RGS6: variants seen among roughly 807,000 people sequenced by gnomAD.
The protein encoded by RGS6 is regulator of G protein signaling 6.
RGS6 carries 30 observed loss-of-function variants against 78.5 expected under a neutral mutation model. The observed-to-expected ratio is 0.38, with a 90% confidence interval of 0.29 to 0.52. The LOEUF (loss-of-function observed/expected upper bound fraction) is 0.52, where lower values mean the gene tolerates loss of function less well. Ranked by LOEUF, RGS6 falls within the 20% of genes least tolerant of loss-of-function variation. RGS6 has a pLI of 0.85. For synonymous variants in RGS6, 206 were observed against 206.0 expected, an observed-to-expected ratio of 1.00 and a Z score of 0.00; for missense variants, 495 against 609.7, an observed-to-expected ratio of 0.81 and a Z score of 1.98.
intron 2 of RGS6, among the ~76,000 whole-genome samples, chr14:72,106,615 C>T (rs2095638324): frequency 6.6e-6 from 1 of 152,186 alleles, no homozygotes; most frequent in African/African-American, 2.4e-5. Flanking sequence ...TACTCCCTTG[C>T]CTTTTTATAG....
chr14:72,255,167 G>A (rs2056801964), intron 2 of RGS6, among the ~76,000 whole-genome samples: 1 of 152,142 alleles, frequency 6.6e-6, no homozygotes, highest in Non-Finnish European at 1.5e-5. Flanking sequence ...GGCAGGGTAT[G>A]CAGGTTTAGG....
intron 2 of RGS6, among the ~76,000 whole-genome samples, chr14:71,972,582 C>A (rs1311575622): frequency 6.6e-6 from 1 of 152,044 alleles, no homozygotes; most frequent in Non-Finnish European, 1.5e-5. Context: ...AGGATGGGAT[C>A]TGAAATGGGG....
chr14:72,307,917 A>G (rs1020564617), intron 2 of RGS6, among the ~76,000 whole-genome samples: 5 of 152,198 alleles, frequency 3.3e-5, no homozygotes, highest in Non-Finnish European at 7.3e-5. Context: ...TAGTTTATAT[A>G]GCTCTTCCAC....
intron 2 of RGS6, among the ~76,000 whole-genome samples, chr14:72,127,949 C>T (rs935899954): frequency 1.3e-5 from 2 of 151,634 alleles, no homozygotes; most frequent in Non-Finnish European, 2.9e-5. Flanking sequence ...TTTTTTTTCC[C>T]TCAGCATAAT....
chr14:72,134,273 C>G (rs1213699004), intron 2 of RGS6, among the ~76,000 whole-genome samples: 1 of 152,190 alleles, frequency 6.6e-6, no homozygotes, highest in Non-Finnish European at 1.5e-5. Flanking sequence ...ACACACCCCA[C>G]ATTCACTGAG....
intron 14 of RGS6, among the ~76,000 whole-genome samples, chr14:72,510,826 C>T (rs940872032): frequency 2.6e-5 from 4 of 152,142 alleles, no homozygotes; most frequent in Non-Finnish European, 5.9e-5. Flanking sequence ...TGACTTCTGT[C>T]GACTCCAAAT....
intron 17 of RGS6, among the ~76,000 whole-genome samples, chr14:72,549,507 A>G (rs1306393635): frequency 6.6e-6 from 1 of 152,208 alleles, no homozygotes; most frequent in Non-Finnish European, 1.5e-5. Flanking sequence ...AAGGATCATA[A>G]AGTCATTTGC....
chr14:72,092,317 A>G (rs551261435), intron 2 of RGS6, among the ~76,000 whole-genome samples: 2 of 152,080 alleles, frequency 1.3e-5, no homozygotes, highest in African/African-American at 2.4e-5. Flanking sequence ...AAGGATGGCT[A>G]TGGGAAAAGT....
At chr14:72,331,492 G>T (rs1016167536) in intron 2 of RGS6, among the ~76,000 whole-genome samples, 4 of 152,200 alleles carry the variant, frequency 2.6e-5, no homozygotes, top group African/African-American at 9.6e-5. Flanking sequence ...TGCCCCGGGA[G>T]TGCAGCGCAG....
At chr14:72,181,803 CT>C (rs2097176397) in intron 2 of RGS6, among the ~76,000 whole-genome samples, 1 of 152,094 alleles carries the variant, frequency 6.6e-6, no homozygotes, top group African/African-American at 2.4e-5. Flanking sequence ...ATTTGAGTAC[CT>C]ACTATGTGCC....
chr14:72,196,030 G>A (rs1368137971), intron 2 of RGS6, among the ~76,000 whole-genome samples: 2 of 152,158 alleles, frequency 1.3e-5, no homozygotes, highest in Admixed American at 6.5e-5. Context: ...AGGATGAGTT[G>A]GAGGAAGGAG....
chr14:72,297,334 T>A (rs756179967), intron 2 of RGS6, among the ~76,000 whole-genome samples: 10 of 151,960 alleles, frequency 6.6e-5, no homozygotes, highest in Admixed American at 2.0e-4. Context: ...TTAATTGAGA[T>A]CTATTAAGTC....
intron 1 of RGS6, among the ~76,000 whole-genome samples, chr14:71,934,031 A>G (rs2088474969): frequency 1.3e-5 from 2 of 152,202 alleles, no homozygotes; most frequent in African/African-American, 4.8e-5. Context: ...CAAATAGGTA[A>G]TTACATAGAG....
intron 2 of RGS6, among the ~76,000 whole-genome samples, chr14:72,043,118 A>C (rs994308711): frequency 6.6e-6 from 1 of 151,918 alleles, no homozygotes; most frequent in Admixed American, 6.6e-5. Flanking sequence ...CCTTTCAATT[A>C]GTTTTTACTC....
intron 3 of RGS6, among the ~76,000 whole-genome samples, chr14:72,416,902 A>G (rs2093852371): frequency 3.9e-5 from 6 of 152,228 alleles, no homozygotes; most frequent in Admixed American, 2.6e-4. Flanking sequence ...ATACCCCTAT[A>G]ACCATGGCAT....
rs576465299 is a variant in RGS6 at position 71,941,758 on chromosome 14, C to T, written c.-21+8817C>T. ...ACCAGATTAAGGGTGGATCTGCCTT[C>T]CCCAGCCCAATGACTCACATATTTA... On this transcript the variant is annotated intron_variant, in intron 1 of 17. Transcript: ENST00000553525. Among the ~76,000 whole-genome samples the T allele has an allele frequency of 1.2e-4, 18 of 152,302 alleles. No individual in the cohort carries two copies. In the South Asian group the frequency reaches 2.3e-3, roughly 19 times the overall value.
chr14:72,269,880 A>G (rs1022841876), intron 2 of RGS6, among the ~76,000 whole-genome samples: 2 of 152,096 alleles, frequency 1.3e-5, no homozygotes, highest in South Asian at 2.1e-4. Context: ...TATAGCTTTA[A>G]TGCATCAAAT....
chr14:72,319,547 G>T (rs1290701161), intron 2 of RGS6, among the ~76,000 whole-genome samples: 1 of 151,916 alleles, frequency 6.6e-6, no homozygotes, highest in African/African-American at 2.4e-5. Flanking sequence ...TAGAGATGGG[G>T]TTTTACTATG....
intron 2 of RGS6, among the ~76,000 whole-genome samples, chr14:72,292,318 G>A (rs1045382116): frequency 2.0e-5 from 3 of 152,100 alleles, no homozygotes; most frequent in Non-Finnish European, 2.9e-5. Context: ...GTATCACAAC[G>A]CTCCATTTCG....
Sources: allele counts gnomAD v4.1 joint callset (sites outside exome capture counted in the v4.1 genomes callset), GRCh38; gene constraint gnomAD v4.1.1; transcripts MANE v1.5; gene names NCBI Gene and HGNC (gene_info 2026-07-23, HGNC 2026-07-21).